The following IL1RAPL2 variants were observed in gnomAD, a reference collection of about 807,000 sequenced individuals.
IL1RAPL2 encodes the protein interleukin 1 receptor accessory protein like 2.
A neutral mutation model predicts 44.1 loss-of-function variants in IL1RAPL2; 3 were observed. The ratio of observed to expected loss-of-function variants is 0.07; its 90% CI spans 0.03 to 0.18. IL1RAPL2 has a LOEUF of 0.18. Among genes scored for constraint, IL1RAPL2 ranks in the 10% least tolerant of loss-of-function variants. The probability of loss-of-function intolerance (pLI) is 1.00; values close to 1 mark genes in which losing one functional copy is unlikely to be tolerated. For missense variants in IL1RAPL2, 391 were observed against 496.4 expected (o/e 0.79, Z 2.02); for synonymous variants, 181 against 178.8 (o/e 1.01, Z -0.10).
intron 9 of IL1RAPL2, among the ~76,000 whole-genome samples, chrX:105,750,814 C>T (rs1439613554): frequency 9.1e-6 from 1 of 110,034 alleles, no homozygotes; most frequent in Non-Finnish European, 1.9e-5. Context: ...TCAGTTCTTC[C>T]TCTATACAAC....
At chrX:105,500,920 A>G (rs1306065093) in intron 6 of IL1RAPL2, among the ~76,000 whole-genome samples, 1 of 111,779 alleles carries the variant, frequency 8.9e-6, no homozygotes, top group Non-Finnish European at 1.9e-5. Flanking sequence ...CTGAGCTGCA[A>G]TCCCAGGAAG....
chrX:105,505,424 T>C (rs919775623), intron 6 of IL1RAPL2, among the ~76,000 whole-genome samples: 2 of 111,702 alleles, frequency 1.8e-5, no homozygotes, highest in Non-Finnish European at 3.8e-5. Context: ...AGAGAACATC[T>C]ATTACATTGT....
chrX:104,961,844 G>T (rs753149693), intron 2 of IL1RAPL2, among the ~76,000 whole-genome samples: 1 of 111,988 alleles, frequency 8.9e-6, no homozygotes, highest in East Asian at 2.8e-4. Context: ...TTAGATGAAT[G>T]AATGAATGAA....
Position 105,642,421 on chromosome X carries a change from C to G in IL1RAPL2, c.773-74946C>G, listed in dbSNP as rs781461964. Among the ~76,000 whole-genome samples the G allele has an allele frequency of 6.3e-5, 7 of 111,830 alleles. No homozygotes were observed. The South Asian group carries it at 2.3e-3, about 36-fold the overall frequency. ...TAAACAACATCATTAAACATCATTA[C>G]ACACATATAATTCAGTTATTTAACA... On this transcript the variant is annotated intron_variant, in intron 6 of 10. Coordinates refer to ENST00000372582, the MANE Select transcript of IL1RAPL2 (RefSeq NM_017416.2).
intron 1 of IL1RAPL2, among the ~76,000 whole-genome samples, chrX:104,657,459 T>C (rs1035842193): frequency 5.4e-5 from 6 of 111,755 alleles, no homozygotes; most frequent in African/African-American, 1.3e-4. Context: ...TTACAACTTA[T>C]ACACAAATTA....
chrX:105,073,221 T>A (rs1408527265), intron 2 of IL1RAPL2, among the ~76,000 whole-genome samples: 2 of 67,936 alleles, frequency 2.9e-5, no homozygotes, highest in African/African-American at 1.2e-4. Flanking sequence ...CAGGCCCCAG[T>A]GTGTGATGTT....
intron 2 of IL1RAPL2, among the ~76,000 whole-genome samples, chrX:105,186,406 G>A (rs181697158): frequency 1.8e-5 from 2 of 111,989 alleles, no homozygotes; most frequent in African/African-American, 6.5e-5. Flanking sequence ...GATATGCATG[G>A]AAGGTGGGAA....
intron 2 of IL1RAPL2, among the ~76,000 whole-genome samples, chrX:104,968,733 G>GA (rs1009613058): frequency 1.8e-5 from 2 of 110,261 alleles, no homozygotes; most frequent in African/African-American, 6.6e-5. Context: ...CTAATTTTAG[G>GA]AAAAAAACCG....
intron 2 of IL1RAPL2, among the ~76,000 whole-genome samples, chrX:105,115,085 C>T (rs983099021): frequency 2.7e-5 from 3 of 111,298 alleles, no homozygotes; most frequent in Non-Finnish European, 5.7e-5. Context: ...TGCAGACCCC[C>T]GCGGTGAGTG....
intron 1 of IL1RAPL2, among the ~76,000 whole-genome samples, chrX:104,584,466 TA>T (rs946121648): frequency 9.0e-6 from 1 of 110,694 alleles, no homozygotes. Flanking sequence ...TTTTTTTTTT[TA>T]AGCTTAGTCC....
chrX:105,165,050 T>G (rs897441245), intron 2 of IL1RAPL2, among the ~76,000 whole-genome samples: 3 of 111,562 alleles, frequency 2.7e-5, no homozygotes, highest in Non-Finnish European at 5.7e-5. Context: ...AACTGCTCCT[T>G]CTCCTGTGTT....
At chrX:105,128,823 A>G (rs139416362) in intron 2 of IL1RAPL2, among the ~76,000 whole-genome samples, 55 of 111,374 alleles carry the variant, frequency 4.9e-4, no homozygotes, top group African/African-American at 1.7e-3. Context: ...CATGTTTCGT[A>G]TCTAATATTA....
At chrX:105,158,555 A>G (rs2033292019) in intron 2 of IL1RAPL2, among the ~76,000 whole-genome samples, 1 of 111,600 alleles carries the variant, frequency 9.0e-6, no homozygotes, top group South Asian at 3.7e-4. Flanking sequence ...TATTTCTCCA[A>G]TACCCCACAT....
chrX:105,051,787 T>C (rs1325533276), intron 2 of IL1RAPL2, among the ~76,000 whole-genome samples: 2 of 112,234 alleles, frequency 1.8e-5, no homozygotes, highest in Non-Finnish European at 3.8e-5. Context: ...ACAACTATGA[T>C]TAATTAGAAT....
At chrX:105,265,345 G>A (rs767740751) in intron 4 of IL1RAPL2, among the ~76,000 whole-genome samples, 2 of 112,061 alleles carry the variant, frequency 1.8e-5, no homozygotes, top group East Asian at 2.8e-4. Flanking sequence ...GAAACAATGC[G>A]AAAATAATTG....
chrX:105,653,970 C>T (rs2037659524), intron 6 of IL1RAPL2, among the ~76,000 whole-genome samples: 1 of 109,953 alleles, frequency 9.1e-6, no homozygotes, highest in Non-Finnish European at 1.9e-5. Flanking sequence ...TGTATGTGCA[C>T]ACACACAAAC....
chrX:105,200,491 A>C (rs966023195), intron 3 of IL1RAPL2, among the ~76,000 whole-genome samples: 8 of 112,521 alleles, frequency 7.1e-5, no homozygotes, highest in Non-Finnish European at 5.6e-5. Flanking sequence ...GATAAAAATG[A>C]TAAAGGTAAT....
chrX:104,636,116 C>A (rs1929798503), intron 1 of IL1RAPL2, among the ~76,000 whole-genome samples: 1 of 111,928 alleles, frequency 8.9e-6, no homozygotes, highest in East Asian at 2.8e-4. Context: ...CACTCCAGAC[C>A]CTGTTTGCCT....
chrX:105,730,893 T>C (rs944975435), intron 7 of IL1RAPL2, among the ~76,000 whole-genome samples: 27 of 111,180 alleles, frequency 2.4e-4, no homozygotes, highest in African/African-American at 8.1e-4. Context: ...AAATTTGTAG[T>C]AAATACAGTT....
Sources: gnomAD v4.1 joint callset for allele counts (sites outside exome capture counted in the v4.1 genomes callset) on GRCh38, gnomAD v4.1.1 for gene constraint, MANE v1.5 for transcripts, NCBI Gene and HGNC (gene_info 2026-07-23, HGNC 2026-07-21) for gene names.